The following EPHA6 variants were observed in gnomAD, a reference collection of about 807,000 sequenced individuals.
EPHA6 encodes the protein EPH receptor A6, also known as ephrin type-A receptor 6.
In EPHA6, 50 loss-of-function variants were observed where a neutral mutation model predicts 112.0. The ratio of observed to expected loss-of-function variants is 0.45; its 90% CI spans 0.36 to 0.56. The LOEUF is 0.56. EPHA6 is among the 20% of genes least tolerant of loss of function. EPHA6 has a pLI of 0.00. For synonymous variants in EPHA6, 529 were observed against 490.7 expected (o/e 1.08, Z -1.03); for missense variants, 1,280 against 1,417.4 (o/e 0.90, Z 1.56).
At chr3:96,879,129 T>G (rs1294120272) in intron 2 of EPHA6, among the ~76,000 whole-genome samples, 1 of 152,078 alleles carries the variant, frequency 6.6e-6, no homozygotes, top group Non-Finnish European at 1.5e-5. Context: ...ACTGAAAATC[T>G]TAAAAGAAGA....
chr3:97,521,850 A>G lies in EPHA6; in HGVS notation c.2201-10508A>G, dbSNP rs1243258267. Among the ~76,000 whole-genome samples the G allele has an allele frequency of 2.0e-5, 3 of 151,720 alleles. No homozygotes were observed. The East Asian group carries it at 5.8e-4, about 29-fold the overall frequency. ...ATGCCCCTGAATACAAGGAGTTGAA[A>G]GCTGAAATGGTCAATATGATCTGCA... On this transcript the variant is annotated intron_variant, in intron 10 of 17. Coordinates refer to ENST00000389672, the MANE Select transcript of EPHA6 (RefSeq NM_001080448.3).
chr3:97,343,862 A>T (rs78671318), intron 5 of EPHA6, among the ~76,000 whole-genome samples: 2,381 of 152,282 alleles, frequency 0.016, 57 homozygotes, highest in African/African-American at 0.052. Flanking sequence ...TGACATAGCC[A>T]TGCCACACCA....
intron 3 of EPHA6, among the ~76,000 whole-genome samples, chr3:97,215,582 G>C (rs1053335781): frequency 2.0e-4 from 30 of 149,622 alleles, no homozygotes; most frequent in African/African-American, 7.5e-4. Context: ...CTGCACTTCA[G>C]TCTGGGCAAC....
intron 2 of EPHA6, among the ~76,000 whole-genome samples, chr3:96,985,478 G>A (rs536995861): frequency 6.6e-5 from 10 of 152,098 alleles, no homozygotes; most frequent in East Asian, 1.9e-4. Flanking sequence ...CCAATGAGCT[G>A]TGATAGTGCT....
chr3:97,385,581 T>C, intron 5 of EPHA6, among the ~76,000 whole-genome samples: 1 of 152,202 alleles, frequency 6.6e-6, no homozygotes, highest in East Asian at 1.9e-4. Flanking sequence ...TGGAGTTCCC[T>C]GTAATGCCTC....
Position 97,752,569 on chromosome 3 carries a change from A to G in EPHA6, c.*3868A>G. 4.6e-6 allele frequency: 1 copy of G among 217,100 alleles called. No individual in the cohort carries two copies. Among genetic ancestry groups the G allele is most frequent in the African/African-American group, 2.2e-5 (1 of 44,566 alleles). The allele number at this position is 217,100 out of a possible 1,614,324, so 13.4% of individuals were successfully genotyped here. A position where few individuals can be genotyped will look rare whatever the true frequency, so the allele number is the denominator to read the frequency against. ...TAAAAAAGGTAGCACAACAAATCTAAAAAGATTGTATAGACTTTTTTAGAA... is the reference window on the plus strand; with the variant it reads ...TAAAAAAGGTAGCACAACAAATCTAGAAAGATTGTATAGACTTTTTTAGAA... On this transcript the variant is annotated 3_prime_UTR_variant, in exon 18 of 18. Transcript: ENST00000389672.
At chr3:96,840,065 G>A (rs2034645362) in intron 1 of EPHA6, among the ~76,000 whole-genome samples, 1 of 152,024 alleles carries the variant, frequency 6.6e-6, no homozygotes, top group Non-Finnish European at 1.5e-5. Context: ...AACATGTGCT[G>A]GCTGATAAGT....
chr3:97,430,113 A>G lies in EPHA6; in HGVS notation c.1732-18455A>G, dbSNP rs901699437. Among the ~76,000 whole-genome samples the G allele has an allele frequency of 3.3e-5, 5 of 152,338 alleles. No individual in the cohort carries two copies. The South Asian group carries it at 1.0e-3, about 32-fold the overall frequency. The stretch of plus-strand genomic sequence containing the variant: ...CATAGTTTTATTTATAAATGAAATT[A>G]AAGAATGAATAACATTCATATTCAA... On this transcript the variant is annotated intron_variant, in intron 6 of 17. Transcript: ENST00000389672.
At chr3:97,323,325 G>A (rs2082210338) in intron 5 of EPHA6, among the ~76,000 whole-genome samples, 1 of 151,560 alleles carries the variant, frequency 6.6e-6, no homozygotes, top group African/African-American at 2.4e-5. Context: ...TACAAGGTAG[G>A]AAAAAGGTAT....
At chr3:96,936,393 T>TA (rs914369972) in intron 2 of EPHA6, among the ~76,000 whole-genome samples, 12 of 150,956 alleles carry the variant, frequency 7.9e-5, no homozygotes, top group South Asian at 6.3e-4. Context: ...TACATAAACC[T>TA]AAAAAAAAAT....
chr3:96,863,983 TG>T (rs1344371823), intron 1 of EPHA6, among the ~76,000 whole-genome samples: 2 of 152,052 alleles, frequency 1.3e-5, no homozygotes, highest in Non-Finnish European at 2.9e-5. Context: ...GAAATACTGA[TG>T]TTTCTCTCCA....
intron 1 of EPHA6, among the ~76,000 whole-genome samples, chr3:96,824,284 G>GTA (rs769172644): frequency 9.2e-5 from 14 of 151,408 alleles, no homozygotes; most frequent in Middle Eastern, 3.4e-3. Context: ...AAGCTAAATG[G>GTA]TATATATATA....
At chr3:96,959,798 A>G (rs1456656017) in intron 2 of EPHA6, among the ~76,000 whole-genome samples, 1 of 151,968 alleles carries the variant, frequency 6.6e-6, no homozygotes, top group East Asian at 1.9e-4. Flanking sequence ...AACGAAACAT[A>G]GAAAAAGACA....
intron 14 of EPHA6, among the ~76,000 whole-genome samples, chr3:97,692,792 T>C (rs553416757): frequency 8.5e-5 from 13 of 152,320 alleles, no homozygotes; most frequent in Non-Finnish European, 1.6e-4. Flanking sequence ...TCTGTTGTTT[T>C]TCAAATTAAA....
chr3:96,947,340 C>T (rs2041319743), intron 2 of EPHA6, among the ~76,000 whole-genome samples: 2 of 152,120 alleles, frequency 1.3e-5, no homozygotes, highest in African/African-American at 4.8e-5. Flanking sequence ...ATTAATCCAT[C>T]TTGAATTAAT....
rs1305396047 is a variant in EPHA6, at chr3:97,614,515, T to A, written c.2574+3661T>A. ...ACACCCAGCTAATTTTTTTTTTTTT[T>A]TTTTTTTTTTTGTATTTTAGAAGAG... is the stretch of plus-strand genomic sequence containing the variant. On this transcript the variant is annotated intron_variant, in intron 13 of 17. Coordinates refer to ENST00000389672, the MANE Select transcript of EPHA6 (RefSeq NM_001080448.3). Among the ~76,000 whole-genome samples the A allele has an allele frequency of 9.1e-3, 1,350 of 148,944 alleles. 24 individuals carry two copies. The highest frequency in any genetic ancestry group is 0.029 in the African/African-American group (1,165 of 40,860).
chr3:96,877,604 TACTA>T (rs1407622395), intron 2 of EPHA6, among the ~76,000 whole-genome samples: 1 of 143,530 alleles, frequency 7.0e-6, no homozygotes, highest in African/African-American at 2.6e-5. Context: ...AGAGAATTAA[TACTA>T]ACCAGTGAAA....
chr3:97,407,347 A>AAC (rs34259097), intron 6 of EPHA6, among the ~76,000 whole-genome samples: 1,674 of 147,324 alleles, frequency 0.011, 27 homozygotes, highest in Middle Eastern at 0.031. Flanking sequence ...ACTGAAATTA[A>AAC]ACACACACAC....
intron 13 of EPHA6, among the ~76,000 whole-genome samples, chr3:97,629,651 A>G (rs1341044549): frequency 1.3e-5 from 2 of 151,984 alleles, no homozygotes; most frequent in East Asian, 1.9e-4. Flanking sequence ...GAACTCCTCT[A>G]TGGTCACTCC....
Sources: allele counts gnomAD v4.1 joint callset (sites outside exome capture counted in the v4.1 genomes callset), GRCh38; gene constraint gnomAD v4.1.1; transcripts MANE v1.5; gene names NCBI Gene and HGNC (gene_info 2026-07-23, HGNC 2026-07-21).